The following CPEB2 variants were observed in gnomAD, a reference collection of about 807,000 sequenced individuals.
CPEB2 encodes the protein cytoplasmic polyadenylation element binding protein 2.
Under a neutral mutation model 93.6 loss-of-function variants are expected in CPEB2, and 56 were observed. That is an observed-to-expected ratio of 0.60 (90% confidence interval 0.48 to 0.75). The LOEUF is 0.75. CPEB2 is among the 30% of genes least tolerant of loss of function. CPEB2 has a pLI of 0.00. For missense variants in CPEB2, 1,579 were observed against 1,395.1 expected, an observed-to-expected ratio of 1.13 and a Z score of -2.10; for synonymous variants, 764 against 586.3, an observed-to-expected ratio of 1.30 and a Z score of -4.38.
intron 5 of CPEB2, among the ~76,000 whole-genome samples, chr4:15,038,601 T>G (rs1577425686): frequency 6.6e-6 from 1 of 151,660 alleles, no homozygotes; most frequent in East Asian, 1.9e-4. Context: ...TTTTTTTTTT[T>G]TCTTTGAGAC....
intron 4 of CPEB2, among the ~76,000 whole-genome samples, chr4:15,024,086 C>T (rs929398654): frequency 2.6e-5 from 4 of 151,928 alleles, no homozygotes; most frequent in Admixed American, 2.6e-4. Flanking sequence ...TAATTCATCC[C>T]AGTATTTATC....
At chr4:15,012,013 C>G (rs926967489) in intron 3 of CPEB2, among the ~76,000 whole-genome samples, 3 of 152,232 alleles carry the variant, frequency 2.0e-5, no homozygotes, top group South Asian at 2.1e-4. Flanking sequence ...GGAGATCTGT[C>G]TCAGAAAAAA....
intron 6 of CPEB2, among the ~76,000 whole-genome samples, chr4:15,051,952 C>A (rs1728270745): frequency 6.6e-6 from 1 of 152,176 alleles, no homozygotes; most frequent in African/African-American, 2.4e-5. Flanking sequence ...TAGGTGAAGA[C>A]CTTGTATACA....
chr4:15,050,830 T>A (rs965725766), intron 6 of CPEB2, among the ~76,000 whole-genome samples: 2 of 152,298 alleles, frequency 1.3e-5, no homozygotes, highest in South Asian at 2.1e-4. Context: ...CGCTGGAGTG[T>A]TTATCATTGA....
chr4:15,002,920 T>TCCTCCC lies in CPEB2; in HGVS notation c.249_254dup (p.Ser84_Pro85dup). On this transcript the variant is annotated inframe_insertion, in exon 1 of 12. Transcript: ENST00000538197. Reference sequence around the variant, plus strand: ...CAGCCCGGCCGCCGCCGCTTCCTCTTCCTCCCCGTTCCTGGCGCATCAGCA... The same window carrying TCCTCCC: ...CAGCCCGGCCGCCGCCGCTTCCTCTTCCTCCCCCTCCCCGTTCCTGGCGCATCAGCA... 6.6e-7 allele frequency: 1 copy of TCCTCCC among 1,513,286 alleles called. No individual in the cohort carries two copies. The highest frequency in any genetic ancestry group is 8.8e-7 in the Non-Finnish European group (1 of 1,140,944). 93.7% of individuals were successfully genotyped at this position (1,513,286 alleles called of 1,614,324 possible).
intron 5 of CPEB2, among the ~76,000 whole-genome samples, chr4:15,036,013 G>C (rs1182419017): frequency 6.6e-6 from 1 of 152,090 alleles, no homozygotes. Flanking sequence ...TACCTTAATA[G>C]TTAATCAGCA....
intron 6 of CPEB2, among the ~76,000 whole-genome samples, chr4:15,046,062 T>G (rs1727658645): frequency 6.6e-6 from 1 of 152,214 alleles, no homozygotes; most frequent in African/African-American, 2.4e-5. Context: ...TCCATGAATA[T>G]TTTTGTACCT....
At chr4:15,007,275 C>T in intron 1 of CPEB2, 30 bp from the exon 2 acceptor site, 1 of 1,401,412 alleles carries the variant, frequency 7.1e-7, no homozygotes. Context: ...TCTTTAAATG[C>T]CGCAATTTAA....
chr4:15,023,208 G>T (rs1307533494), intron 4 of CPEB2, among the ~76,000 whole-genome samples: 1 of 151,892 alleles, frequency 6.6e-6, no homozygotes, highest in African/African-American at 2.4e-5. Flanking sequence ...GTTTTAAATG[G>T]AAAGTAGAAC....
intron 6 of CPEB2, among the ~76,000 whole-genome samples, chr4:15,043,033 G>T (rs1179562025): frequency 3.9e-5 from 6 of 152,126 alleles, no homozygotes; most frequent in African/African-American, 1.4e-4. Context: ...TTCTACCAGT[G>T]CAATAATGGG....
chr4:15,005,863 C>T (rs905589575), intron 1 of CPEB2, among the ~76,000 whole-genome samples: 17 of 152,260 alleles, frequency 1.1e-4, no homozygotes, highest in African/African-American at 4.1e-4. Context: ...CAGCAACTGT[C>T]TTTTGTGTCT....
chr4:15,059,750 C>T (rs900488287), intron 10 of CPEB2, among the ~76,000 whole-genome samples: 1 of 151,962 alleles, frequency 6.6e-6, no homozygotes, highest in African/African-American at 2.4e-5. Flanking sequence ...TTATCAATAA[C>T]TAGGAACCAA....
At chr4:15,005,322 T>C (rs1295357263) in intron 1 of CPEB2, among the ~76,000 whole-genome samples, 1 of 152,252 alleles carries the variant, frequency 6.6e-6, no homozygotes, top group African/African-American at 2.4e-5. Context: ...TTTCGGTACA[T>C]TTTTTGGTTG....
Position 15,007,370 on chromosome 4 carries a change from C to G in CPEB2, c.1728C>G (p.Ser576=). 2 of 1,610,904 alleles carry G rather than the reference C, an allele frequency of 1.2e-6. No homozygotes were observed. Among genetic ancestry groups the G allele is most frequent in the Non-Finnish European group, 1.7e-6 (2 of 1,178,108 alleles). ...QSSGWGTGSM[S]WGAMHGRDHR... ...GTGGCTGGGGCACTGGAAGTATGTC[C>G]TGGGGAGCAATGCATGGCAGAGATC... is the stretch of plus-strand genomic sequence containing the variant. The change falls in exon 2 of 12, where the codon TCC becomes TCG. Residue 576 remains serine, a synonymous_variant. Transcript: ENST00000538197.
intron 4 of CPEB2, among the ~76,000 whole-genome samples, chr4:15,030,945 C>T (rs11946242): frequency 0.052 from 7,918 of 152,034 alleles, 233 homozygotes; most frequent in Non-Finnish European, 0.07. Flanking sequence ...AATTATGTGA[C>T]AATTGAAAGT....
At chr4:15,022,247 GT>G (rs1254802518) in intron 4 of CPEB2, among the ~76,000 whole-genome samples, 1 of 151,734 alleles carries the variant, frequency 6.6e-6, no homozygotes, top group Admixed American at 6.6e-5. Context: ...AGCTGTGAAA[GT>G]TTAATGGCAT....
At chr4:15,009,528 T>G (rs968290568) in intron 3 of CPEB2, among the ~76,000 whole-genome samples, 1 of 152,204 alleles carries the variant, frequency 6.6e-6, no homozygotes, top group Non-Finnish European at 1.5e-5. Flanking sequence ...GCCTTATTAG[T>G]GACGTTTTTA....
intron 2 of CPEB2, among the ~76,000 whole-genome samples, chr4:15,008,075 T>A (rs888688918): frequency 6.6e-6 from 1 of 152,226 alleles, no homozygotes; most frequent in African/African-American, 2.4e-5. Context: ...TCTTCACTAA[T>A]TCACCGATTA....
intron 8 of CPEB2, 49 bp from the exon 9 acceptor site, chr4:15,058,372 T>G: frequency 9.2e-7 from 1 of 1,086,970 alleles, no homozygotes; most frequent in Non-Finnish European, 1.4e-6. Flanking sequence ...AAATTTGGAG[T>G]AAAATCACTT....
Sources: allele counts gnomAD v4.1 joint callset (sites outside exome capture counted in the v4.1 genomes callset), GRCh38; gene constraint gnomAD v4.1.1; transcripts MANE v1.5; gene names NCBI Gene and HGNC (gene_info 2026-07-23, HGNC 2026-07-21).